GSPT1: variants seen among roughly 807,000 people sequenced by gnomAD.
GSPT1 encodes G1 to S phase transition 1, also known as eukaryotic peptide chain release factor GTP-binding subunit ERF3A.
Under a neutral mutation model 72.5 loss-of-function variants are expected in GSPT1, and 20 were observed. That is an observed-to-expected ratio of 0.28 (90% CI 0.19 to 0.40). The LOEUF (loss-of-function observed/expected upper bound fraction) is 0.40, where lower values mean the gene tolerates loss of function less well. Ranked by LOEUF, GSPT1 falls within the 10% of genes least tolerant of loss-of-function variation. The pLI is 1.00. For missense variants in GSPT1, 580 were observed against 811.9 expected (o/e 0.71, Z 3.47); for synonymous variants, 334 against 293.5 (o/e 1.14, Z -1.41).
chr16:11,915,923 C>CA lies in GSPT1; in HGVS notation c.-204_-203insT, dbSNP rs754788999. ...GCGACGACGACAGAGGCGGCGGCGG[C>CA]GGCAGCTCAACCCTCCTCCTCGTGT... On this transcript the variant is annotated 5_prime_UTR_variant, in exon 1 of 15. Coordinates refer to ENST00000434724, the MANE Select transcript of GSPT1 (RefSeq NM_002094.4). 35 of 801,136 alleles carry CA rather than the reference C, an allele frequency of 4.4e-5. 1 individual carries two copies. The highest frequency in any genetic ancestry group is 1.2e-4 in the South Asian group (9 of 74,534). 49.6% of individuals were successfully genotyped at this position (801,136 alleles called of 1,614,324 possible).
intron 11 of GSPT1, among the ~76,000 whole-genome samples, chr16:11,878,274 C>A (rs1055302169): frequency 2.0e-5 from 3 of 152,104 alleles, no homozygotes; most frequent in Admixed American, 6.6e-5. Context: ...CACCACCATG[C>A]CTGGCTAATT....
Position 11,895,036 on chromosome 16 carries a change from T to G in GSPT1, c.665-49A>C, listed in dbSNP as rs779389923. ...ACCATAGGTTAAAACCAAAAACCAA[T>G]GGCTAAATATGCAAACAACAGCACC... On this transcript the variant is annotated intron_variant, in intron 4 of 14. Coordinates refer to ENST00000434724, the MANE Select transcript of GSPT1 (RefSeq NM_002094.4). The G allele has an allele frequency of 4.3e-6, 5 of 1,153,906 alleles. No individual in the cohort carries two copies. In the Admixed American group the frequency reaches 7.6e-5, roughly 18 times the overall value. 71.5% of individuals were successfully genotyped at this position (1,153,906 alleles called of 1,614,324 possible).
intron 6 of GSPT1, among the ~76,000 whole-genome samples, chr16:11,888,952 T>C (rs1462216680): frequency 6.6e-6 from 1 of 152,174 alleles, no homozygotes; most frequent in Non-Finnish European, 1.5e-5. Flanking sequence ...ACTTCATTTT[T>C]ATACTCACAT....
At chr16:11,884,119 C>T (rs1170616780) in intron 10 of GSPT1, among the ~76,000 whole-genome samples, 1 of 151,990 alleles carries the variant, frequency 6.6e-6, no homozygotes, top group Non-Finnish European at 1.5e-5. Flanking sequence ...ACATTGATAC[C>T]GCAAAACTTA....
At position 11,874,689 on chromosome 16, in the gene GSPT1, G is replaced by C. The variant is rs1483027539; in HGVS notation, c.1861+1072C>G. ...GGGCCTTTAAAGTAAAATAAACACT[G>C]TCTTTATACAATTTCATCCAATGTA... On this transcript the variant is annotated intron_variant, in intron 14 of 14. Coordinates refer to ENST00000434724, the MANE Select transcript of GSPT1 (RefSeq NM_002094.4). Among the ~76,000 whole-genome samples, 6 of 151,892 alleles carry C rather than the reference G, an allele frequency of 4.0e-5. No homozygotes were observed. In the East Asian group the frequency reaches 1.2e-3, roughly 29 times the overall value.
At position 11,872,555 on chromosome 16, in the gene GSPT1, A is replaced by T. The variant is rs2053990693; in HGVS notation, c.*564T>A. 1.3e-5 allele frequency: 2 copies of T among 152,252 alleles called. No homozygotes were observed. The highest frequency in any genetic ancestry group is 4.8e-5 in the African/African-American group (2 of 41,454). 9.4% of individuals were successfully genotyped at this position (152,252 alleles called of 1,614,324 possible). ...TGTCTCATTTATAGTGGGTAGGGAA[A>T]GAGTTTATAAAAGTCCAAGTAATAA... On this transcript the variant is annotated 3_prime_UTR_variant, in exon 15 of 15. Coordinates refer to ENST00000434724, the MANE Select transcript of GSPT1 (RefSeq NM_002094.4).
chr16:11,909,056 C>A (rs1327170738), intron 1 of GSPT1: 1 of 150,742 alleles, frequency 6.6e-6, no homozygotes, highest in South Asian at 2.1e-4. Context: ...AAATATTCAA[C>A]CAGGAAATTA....
At chr16:11,889,329 C>CTTA (rs2054225325) in intron 6 of GSPT1, among the ~76,000 whole-genome samples, 3 of 60,040 alleles carry the variant, frequency 5.0e-5, no homozygotes, top group Non-Finnish European at 8.9e-5. Context: ...CCCTCTTCTT[C>CTTA]TTTTTTTTTT....
At position 11,901,791 on chromosome 16, in the gene GSPT1, CA is replaced by C. The variant is rs554216223; in HGVS notation, c.353-3757del. Among the ~76,000 whole-genome samples, 1,371 of 142,774 alleles carry C rather than the reference CA, an allele frequency of 9.6e-3. 17 individuals are homozygous for C. Among genetic ancestry groups the C allele is most frequent in the South Asian group, 0.026 (117 of 4,514 alleles). 93.7% of individuals were successfully genotyped at this position (142,774 alleles called of 152,430 possible). ...TGGGTGAAAGAGTGAGACCCTGTCTCAAAAAAAAAAGAGGAAAAACTAGGCT... is the reference window on the plus strand; with the variant it reads ...TGGGTGAAAGAGTGAGACCCTGTCTCAAAAAAAAAGAGGAAAAACTAGGCT... On this transcript the variant is annotated intron_variant, in intron 1 of 14. Transcript: ENST00000434724.
chr16:11,896,868 T>C (rs937076603), intron 3 of GSPT1, 83 bp from the exon 4 acceptor site: 1 of 916,498 alleles, frequency 1.1e-6, no homozygotes, highest in Non-Finnish European at 1.7e-6. Flanking sequence ...AAACAACAAA[T>C]GGAAGTTTGC....
chr16:11,901,972 T>G (rs927730087), intron 1 of GSPT1, among the ~76,000 whole-genome samples: 5 of 151,596 alleles, frequency 3.3e-5, no homozygotes, highest in Non-Finnish European at 5.9e-5. Context: ...GTCTTGTGCC[T>G]GTAATCCCAG....
In GSPT1 at chr16:11,889,329, C is replaced by A. The variant is rs903752964; in HGVS notation, c.777-1579G>T. Reference sequence around the variant, plus strand: ...GCCCGGCACCCCCACCCCTCTTCTTCTTTTTTTTTTTTTTTTTTTTTTTTT... The same window carrying A: ...GCCCGGCACCCCCACCCCTCTTCTTATTTTTTTTTTTTTTTTTTTTTTTTT... On this transcript the variant is annotated intron_variant, in intron 6 of 14. Coordinates refer to ENST00000434724, the MANE Select transcript of GSPT1 (RefSeq NM_002094.4). Among the ~76,000 whole-genome samples the A allele has an allele frequency of 1.8e-3, 106 of 60,078 alleles. 1 individual carries two copies. The highest frequency in any genetic ancestry group is 3.3e-3 in the South Asian group (4 of 1,202). The allele number at this position is 60,078 out of a possible 152,430, so 39.4% of individuals were successfully genotyped here.
intron 6 of GSPT1, among the ~76,000 whole-genome samples, chr16:11,889,770 C>T (rs865789383): frequency 4.2e-4 from 64 of 150,816 alleles, no homozygotes; most frequent in African/African-American, 1.3e-3. Flanking sequence ...CCTCCCAAAG[C>T]GCTGGGATTA....
At chr16:11,896,396 A>C (rs1423414938) in intron 4 of GSPT1, among the ~76,000 whole-genome samples, 162 bp downstream of exon 4, 2 of 152,244 alleles carry the variant, frequency 1.3e-5, no homozygotes, top group Non-Finnish European at 2.9e-5. Context: ...TTCAGGAAAA[A>C]AGTACTTGCA....
Position 11,877,643 on chromosome 16 carries a change from G to A in GSPT1, c.1429-63C>T. ...TTCACTGCATTACGCAACATAAAAT[G>A]ATCTGAATGTCTGTCTGCTCAATAA... On this transcript the variant is annotated intron_variant, in intron 11 of 14. Coordinates refer to ENST00000434724, the MANE Select transcript of GSPT1 (RefSeq NM_002094.4). This position sits in a 1 kb window ranked among gnomAD's most constrained non-coding sequence, Gnocchi z 4.0. The A allele has an allele frequency of 2.1e-6, 2 of 952,330 alleles. No individual in the cohort carries two copies. The highest frequency in any genetic ancestry group is 1.9e-5 in the South Asian group (1 of 53,166). The allele number at this position is 952,330 out of a possible 1,614,324, so 59.0% of individuals were successfully genotyped here. A position where few individuals can be genotyped will look rare whatever the true frequency, so the allele number is the denominator to read the frequency against.
chr16:11,873,637 G>T (rs1424252496), intron 14 of GSPT1, among the ~76,000 whole-genome samples: 1 of 151,938 alleles, frequency 6.6e-6, no homozygotes, highest in Admixed American at 6.6e-5. Flanking sequence ...ACCCAGGCTG[G>T]AGTGCAGTGG....
intron 5 of GSPT1, among the ~76,000 whole-genome samples, chr16:11,891,512 C>T (rs2054260855): frequency 6.6e-6 from 1 of 151,476 alleles, no homozygotes; most frequent in Non-Finnish European, 1.5e-5. Context: ...CAGGCACCCA[C>T]CACCAAACCC....
intron 1 of GSPT1, among the ~76,000 whole-genome samples, chr16:11,906,016 T>C (rs571151429): frequency 4.8e-4 from 73 of 152,368 alleles, no homozygotes; most frequent in African/African-American, 1.7e-3. Context: ...CAATTTTTAC[T>C]GAATTACTGT....
intron 5 of GSPT1, among the ~76,000 whole-genome samples, chr16:11,893,261 G>A (rs1029285): frequency 0.43 from 65,188 of 151,624 alleles, 16,750 homozygotes; most frequent in Non-Finnish European, 0.58. Flanking sequence ...GCAACACAGC[G>A]AGACCCTGTC....
Sources: gnomAD v4.1 joint callset for allele counts (sites outside exome capture counted in the v4.1 genomes callset) on GRCh38, gnomAD v4.1.1 for gene constraint, Gnocchi (gnomAD v3.1) non-coding constraint, MANE v1.5 for transcripts, NCBI Gene and HGNC (gene_info 2026-07-23, HGNC 2026-07-21) for gene names.